The following MYH13 variants were observed in gnomAD, a reference collection of about 807,000 sequenced individuals.
MYH13 encodes the protein myosin heavy chain 13, also known as myosin-13.
MYH13 carries 177 observed loss-of-function variants against 232.1 expected under a neutral mutation model. The ratio of observed to expected loss-of-function variants is 0.76; its 90% confidence interval spans 0.67 to 0.86. The LOEUF is 0.86. Ranked by LOEUF, MYH13 falls within the 40% of genes least tolerant of loss-of-function variation. The pLI is 0.00. For synonymous variants in MYH13, 884 were observed against 923.5 expected (o/e 0.96, Z 0.78); for missense variants, 2,246 against 2,405.9 (o/e 0.93, Z 1.39).
At chr17:10,357,075 C>T (rs893795655) in intron 8 of MYH13, among the ~76,000 whole-genome samples, 1 of 152,146 alleles carries the variant, frequency 6.6e-6, no homozygotes, top group African/African-American at 2.4e-5. Context: ...ATTCTCCTGC[C>T]TCAGCCTCCC....
In MYH13 at chr17:10,358,188, AATATAG is replaced by A. The variant is rs1241348990; in HGVS notation, c.646-367_646-362del. 2.6e-5 allele frequency among the ~76,000 whole-genome samples: 4 copies of A among 152,172 alleles called. No individual in the cohort carries two copies. In the East Asian group the frequency reaches 7.7e-4, roughly 29 times the overall value. On this transcript the variant is annotated intron_variant, in intron 7 of 40. Transcript: ENST00000252172. ...TTATTGCATGTAATATGACCCACCT[AATATAG>A]ATATTTGTCTTCAGAAGGAGAAATA... is the stretch of plus-strand genomic sequence containing the variant.
At position 10,359,957 on chromosome 17, in the gene MYH13, C is replaced by T. The variant is rs770102410; in HGVS notation, c.645+3G>A. 1.9e-6 allele frequency: 3 copies of T among 1,611,594 alleles called. No homozygotes were observed. The highest frequency in any genetic ancestry group is 1.9e-4 in the Middle Eastern group (1 of 5,362). On this transcript the variant is annotated splice_donor_region_variant and intron_variant, in intron 7 of 40. Coordinates refer to ENST00000252172, the MANE Select transcript of MYH13 (RefSeq NM_003802.3). ...GCCTCCGGATGCAGGTGGGGCTGCT[C>T]ACCTGCATTTTGCCTGGCTGTGTCT...
At chr17:10,322,515 T>C (rs962408842) in intron 23 of MYH13, among the ~76,000 whole-genome samples, 2 of 152,072 alleles carry the variant, frequency 1.3e-5, no homozygotes, top group African/African-American at 4.8e-5. Context: ...TTTTTCCACA[T>C]CCAACAGGCT....
At position 10,306,575 on chromosome 17, in the gene MYH13, C is replaced by T; in HGVS notation, c.5350G>A (p.Glu1784Lys). Reference sequence around the variant, plus strand: ...TGCTCCAGGTTCTTCTTCATCCGCTCCAGGTGGGCGCTGGTGTCCTGTTCC... The same window carrying T: ...TGCTCCAGGTTCTTCTTCATCCGCTTCAGGTGGGCGCTGGTGTCCTGTTCC... ...KKEQDTSAHL[E>K]RMKKNLEQTV... Residue 1784 changes from glutamate to lysine, a missense_variant, in exon 37 of 41, where the codon GAG becomes AAG. Transcript: ENST00000252172. The surrounding 1 kb of genome is among the most constrained non-coding windows in gnomAD (Gnocchi z 4.3). The T allele has an allele frequency of 6.2e-7, 1 of 1,614,150 alleles. No individual in the cohort carries two copies. The highest frequency in any genetic ancestry group is 1.1e-5 in the South Asian group (1 of 91,070).
Position 10,306,978 on chromosome 17 carries a change from G to A in MYH13, c.5256C>T (p.Ser1752=). 6.2e-7 allele frequency: 1 copy of A among 1,613,972 alleles called. No homozygotes were observed. The highest frequency in any genetic ancestry group is 8.5e-7 in the Non-Finnish European group (1 of 1,179,918). Residue 1752 remains serine, a synonymous_variant, in exon 36 of 41, where the codon TCC becomes TCT. Coordinates refer to ENST00000252172, the MANE Select transcript of MYH13 (RefSeq NM_003802.3). This position sits in a 1 kb window ranked among gnomAD's most constrained non-coding sequence, Gnocchi z 4.3. ...TCTTGGCCTTCTCCTCTGCGTTCCT[G>A]GACTCCTGGATCGAGTTCTCCACCT... The part of the protein sequence containing the change: ...QAEVENSIQE[S]RNAEEKAKKA...
chr17:10,369,326 G>A (rs1227364191), intron 2 of MYH13, among the ~76,000 whole-genome samples: 1 of 152,146 alleles, frequency 6.6e-6, no homozygotes, highest in Non-Finnish European at 1.5e-5. Flanking sequence ...TGTATTCTAT[G>A]ATATAAATCA....
chr17:10,332,775 C>T (rs1357362633), intron 19 of MYH13, among the ~76,000 whole-genome samples: 1 of 152,154 alleles, frequency 6.6e-6, no homozygotes, highest in Non-Finnish European at 1.5e-5. Flanking sequence ...AAAATCCTCC[C>T]ACACCCAGCA....
intron 18 of MYH13, among the ~76,000 whole-genome samples, chr17:10,338,129 A>T (rs1246315903): frequency 6.6e-6 from 1 of 152,138 alleles, no homozygotes; most frequent in East Asian, 1.9e-4. Context: ...ATCCCCCACC[A>T]CCTTGCAGGC....
rs1233482902 is a variant in MYH13 at position 10,360,059 on chromosome 17, C to T, written c.546G>A (p.Gly182=). Residue 182 remains glycine, a synonymous_variant, in exon 7 of 41, where the codon GGG becomes GGA. Coordinates refer to ENST00000252172, the MANE Select transcript of MYH13 (RefSeq NM_003802.3). ...GCTTGGTGTTCACAGTCTTCCCAGC[C>T]CCGGATTCTCCGCTGCCAATTTAAA... The part of the protein sequence containing the change: ...NQSILITGES[G]AGKTVNTKRV... 1.2e-6 allele frequency: 2 copies of T among 1,614,098 alleles called. No homozygotes were observed. The highest frequency in any genetic ancestry group is 1.7e-6 in the Non-Finnish European group (2 of 1,180,030).
In MYH13 at chr17:10,362,447, C is replaced by G; in HGVS notation, c.261G>C (p.Lys87Asn). The change falls in exon 4 of 41, where the codon AAG becomes AAC. Residue 87 changes from lysine (K) to asparagine (N), a missense_variant. Lys to Asn is a moderately conservative substitution (Grantham distance 94, BLOSUM62 0). Coordinates refer to ENST00000252172, the MANE Select transcript of MYH13 (RefSeq NM_003802.3). ...GAGTCATCATGGCCATGTCCTCGAT[C>G]TTGTCAAATTTGGGAGGGTTCATGG... ...VFPMNPPKFDKIEDMAMMTHL... is the reference protein window; with the variant it reads ...VFPMNPPKFDNIEDMAMMTHL... 6.2e-7 allele frequency: 1 copy of G among 1,614,134 alleles called. No individual in the cohort carries two copies. Among genetic ancestry groups the G allele is most frequent in the East Asian group, 2.2e-5 (1 of 44,884 alleles).
chr17:10,314,062 G>A (rs1478757269), intron 29 of MYH13, among the ~76,000 whole-genome samples: 1 of 152,172 alleles, frequency 6.6e-6, no homozygotes, highest in Non-Finnish European at 1.5e-5. Context: ...ACGCCCTCTG[G>A]TGCCACCATC....
rs996176157 is a variant in MYH13, at chr17:10,330,636, G to A, written c.2299-113C>T. On this transcript the variant is annotated intron_variant, in intron 20 of 40. Coordinates refer to ENST00000252172, the MANE Select transcript of MYH13 (RefSeq NM_003802.3). ...GAGGCTCAACTCTCAGAGCACGGCAGGGGCAGCAATTCTGTTTCCAGGACT... is the reference window on the plus strand; with the variant it reads ...GAGGCTCAACTCTCAGAGCACGGCAAGGGCAGCAATTCTGTTTCCAGGACT... 3 of 1,402,502 alleles carry A rather than the reference G, an allele frequency of 2.1e-6. No homozygotes were observed. The South Asian group carries it at 4.3e-5, about 20-fold the overall frequency. The allele number at this position is 1,402,502 out of a possible 1,614,324, so 86.9% of individuals were successfully genotyped here.
At chr17:10,319,745 G>A (rs956002015) in intron 26 of MYH13, among the ~76,000 whole-genome samples, 4 of 152,134 alleles carry the variant, frequency 2.6e-5, no homozygotes, top group Admixed American at 2.6e-4. Flanking sequence ...CTAAGAATAT[G>A]AAGAAACAAG....
At position 10,306,712 on chromosome 17, in the gene MYH13, A is replaced by G; in HGVS notation, c.5296-83T>C. ...TGCAGAAGAGGCGAAGGCTGGGATCATGGTGCTGAGCCTCCCCTGTCTGAC... is the reference window on the plus strand; with the variant it reads ...TGCAGAAGAGGCGAAGGCTGGGATCGTGGTGCTGAGCCTCCCCTGTCTGAC... On this transcript the variant is annotated intron_variant, in intron 36 of 40. Coordinates refer to ENST00000252172, the MANE Select transcript of MYH13 (RefSeq NM_003802.3). This position sits in a 1 kb window ranked among gnomAD's most constrained non-coding sequence, Gnocchi z 4.3. The G allele has an allele frequency of 1.3e-6, 2 of 1,581,006 alleles. No homozygotes were observed. Among genetic ancestry groups the G allele is most frequent in the East Asian group, 2.2e-5 (1 of 44,676 alleles).
chr17:10,350,143 G>A (rs534855611), intron 12 of MYH13, among the ~76,000 whole-genome samples: 2 of 152,202 alleles, frequency 1.3e-5, no homozygotes, highest in Admixed American at 1.3e-4. Flanking sequence ...GGGTGGAGGC[G>A]ATGGGAGGAA....
chr17:10,333,678 G>C (rs62058074), intron 18 of MYH13, among the ~76,000 whole-genome samples: 1 of 152,080 alleles, frequency 6.6e-6, no homozygotes, highest in Non-Finnish European at 1.5e-5. Flanking sequence ...AGGCCGAGGT[G>C]GGTGTATCGC....
At chr17:10,328,175 A>AC in intron 21 of MYH13, 54 bp from the exon 22 acceptor site, 5 of 1,587,200 alleles carry the variant, frequency 3.2e-6, no homozygotes, top group East Asian at 2.3e-5. Context: ...TGGTCTCTGC[A>AC]CCCCCAACCT....
chr17:10,306,605 T>G lies in MYH13; in HGVS notation c.5320A>C (p.Lys1774Gln), dbSNP rs1294162732. 2 of 1,614,030 alleles carry G rather than the reference T, an allele frequency of 1.2e-6. No homozygotes were observed. Among genetic ancestry groups the G allele is most frequent in the Non-Finnish European group, 1.7e-6 (2 of 1,180,052 alleles). ...TGGGCGCTGGTGTCCTGTTCCTTCT[T>G]TAGCTCCTCAGCCATCATGGCAGCC... ...TDAAMMAEEL[K>Q]KEQDTSAHLE... is the part of the protein sequence containing the mutation. The change falls in exon 37 of 41, where the codon AAG becomes CAG. Residue 1774 changes from lysine (K) to glutamine (Q), a missense_variant. Physicochemically the swap from Lys to Gln is moderately conservative, Grantham distance 53. Coordinates refer to ENST00000252172, the MANE Select transcript of MYH13 (RefSeq NM_003802.3). This position sits in a 1 kb window ranked among gnomAD's most constrained non-coding sequence, Gnocchi z 4.3.
rs150585912 is a variant in MYH13 at position 10,369,466 on chromosome 17, C to A, written c.-13+1743G>T. Among the ~76,000 whole-genome samples, 94 of 152,220 alleles carry A rather than the reference C, an allele frequency of 6.2e-4. 1 individual carries two copies. In the East Asian group the frequency reaches 0.017, roughly 27 times the overall value. Reference sequence around the variant, plus strand: ...CTGATACAGCAAGAATATAAGGTAACTTTAAAAACAAATAAGAAAAGAAAA... The same window carrying A: ...CTGATACAGCAAGAATATAAGGTAAATTTAAAAACAAATAAGAAAAGAAAA... On this transcript the variant is annotated intron_variant, in intron 2 of 40. Transcript: ENST00000252172.
Sources: gnomAD v4.1 joint callset for allele counts (sites outside exome capture counted in the v4.1 genomes callset) on GRCh38, gnomAD v4.1.1 for gene constraint, Gnocchi (gnomAD v3.1) non-coding constraint, MANE v1.5 for transcripts, NCBI Gene and HGNC (gene_info 2026-07-23, HGNC 2026-07-21) for gene names.